PIEZO2: variants seen among roughly 807,000 people sequenced by gnomAD.
The protein encoded by PIEZO2 is piezo-type mechanosensitive ion channel component 2.
In PIEZO2, 172 loss-of-function variants were observed where a neutral mutation model predicts 337.3. The observed-to-expected ratio is 0.51, with a 90% CI of 0.45 to 0.58. PIEZO2 has a LOEUF of 0.58. PIEZO2 is among the 20% of genes least tolerant of loss of function. The pLI is 0.00. For missense variants in PIEZO2, 3,028 were observed against 3,391.3 expected (o/e 0.89, Z 2.66); for synonymous variants, 1,251 against 1,228.5 (o/e 1.02, Z -0.38).
chr18:11,102,436 T>C lies in PIEZO2; in HGVS notation c.65-36214A>G, dbSNP rs976179189. Among the ~76,000 whole-genome samples the C allele has an allele frequency of 6.6e-6, 1 of 152,162 alleles. No individual in the cohort carries two copies. The highest frequency in any genetic ancestry group is 1.5e-5 in the Non-Finnish European group (1 of 68,026). On this transcript the variant is annotated intron_variant, in intron 1 of 55. Coordinates refer to ENST00000674853, the MANE Select transcript of PIEZO2 (RefSeq NM_001378183.1). The surrounding 1 kb of genome is among the most constrained non-coding windows in gnomAD (Gnocchi z 5.7). The stretch of plus-strand genomic sequence containing the variant: ...AACCCTGATCTGATTGAAGATCGAA[T>C]CTCACCCTGTCCCCCACCAGGCTGG...
chr18:10,715,843 T>C, intron 37 of PIEZO2, 27 bp from the exon 38 acceptor site: 2 of 1,474,262 alleles, frequency 1.4e-6, no homozygotes, highest in Non-Finnish European at 1.8e-6. Context: ...CAACAAGATG[T>C]TAAAGGAACA....
At chr18:10,939,317 G>A (rs945733680) in intron 3 of PIEZO2, among the ~76,000 whole-genome samples, 1 of 152,154 alleles carries the variant, frequency 6.6e-6, no homozygotes, top group Non-Finnish European at 1.5e-5. Flanking sequence ...TTTGTGAGAG[G>A]CCTGTAGTTT....
intron 27 of PIEZO2, 137 bp downstream of exon 27, chr18:10,757,832 T>C: frequency 1.0e-6 from 1 of 977,168 alleles, no homozygotes. Context: ...TGAACCACAT[T>C]GTCCAGCATT....
At chr18:11,074,986 C>T (rs1363523310) in intron 1 of PIEZO2, among the ~76,000 whole-genome samples, 1 of 152,194 alleles carries the variant, frequency 6.6e-6, no homozygotes, top group Non-Finnish European at 1.5e-5. Context: ...CAAGGTCTCA[C>T]TCTTAATGGC....
rs1275357243 is a variant in PIEZO2, at chr18:10,863,720, AT to A, written c.493-6510del. Among the ~76,000 whole-genome samples, 1 of 152,204 alleles carries A rather than the reference AT, an allele frequency of 6.6e-6. No individual in the cohort carries two copies. The highest frequency in any genetic ancestry group is 1.5e-5 in the Non-Finnish European group (1 of 68,036). On this transcript the variant is annotated intron_variant, in intron 5 of 55. Transcript: ENST00000674853. The surrounding 1 kb of genome is among the most constrained non-coding windows in gnomAD (Gnocchi z 4.3). ...GTTAATTCACCTACTTAGAATGGCA[AT>A]AGTCTTTAAGAATCATCTGAACATC...
intron 5 of PIEZO2, among the ~76,000 whole-genome samples, chr18:10,866,130 G>C (rs1158447377): frequency 6.6e-6 from 1 of 152,106 alleles, no homozygotes; most frequent in African/African-American, 2.4e-5. Flanking sequence ...TAAAAATGAA[G>C]ATTAATCTGT....
At position 10,891,280 on chromosome 18, in the gene PIEZO2, G is replaced by A. The variant is rs28421532; in HGVS notation, c.330-19865C>T. ...CAGAGGTTGCAGTGAGCGAGATTGC[G>A]CTACTGCACTCCAGCCTGGGAGACA... On this transcript the variant is annotated intron_variant, in intron 4 of 55. Coordinates refer to ENST00000674853, the MANE Select transcript of PIEZO2 (RefSeq NM_001378183.1). Among the ~76,000 whole-genome samples the A allele has an allele frequency of 2.8e-3, 424 of 152,176 alleles. 1 individual carries two copies. Among genetic ancestry groups the A allele is most frequent in the African/African-American group, 9.3e-3 (387 of 41,534 alleles).
intron 1 of PIEZO2, among the ~76,000 whole-genome samples, chr18:11,067,706 C>T (rs1305163449): frequency 1.3e-5 from 2 of 152,084 alleles, no homozygotes; most frequent in East Asian, 3.9e-4. Flanking sequence ...GGAACATCTA[C>T]ATATATAAAG....
At position 10,770,150 on chromosome 18, in the gene PIEZO2, C is replaced by G; in HGVS notation, c.2944G>C (p.Glu982Gln). The G allele has an allele frequency of 6.5e-7, 1 of 1,537,132 alleles. No homozygotes were observed. The highest frequency in any genetic ancestry group is 8.7e-7 in the Non-Finnish European group (1 of 1,146,884). ...TGATAGGACAAATGTTCACTTGCCT[C>G]TTTCACAGAAACCCAGATAATGTAA... is the stretch of plus-strand genomic sequence containing the variant. ...SSYIIWVSVK[E>Q]VSLFNYVFLI... Residue 982 changes from glutamate to glutamine, a missense_variant and splice_region_variant, in exon 21 of 56, where the codon GAG (glutamate) becomes CAG (glutamine). Glu to Gln is a conservative substitution (Grantham distance 29). Coordinates refer to ENST00000674853, the MANE Select transcript of PIEZO2 (RefSeq NM_001378183.1).
At chr18:10,762,886 G>C (rs780309536) in intron 22 of PIEZO2, 36 bp downstream of exon 22, 2 of 1,527,202 alleles carry the variant, frequency 1.3e-6, no homozygotes, top group Non-Finnish European at 1.8e-6. Context: ...TTTGCTAAAG[G>C]GCAGTCAGGA....
intron 2 of PIEZO2, among the ~76,000 whole-genome samples, chr18:11,008,979 G>C (rs1022827586): frequency 2.0e-5 from 3 of 152,152 alleles, no homozygotes; most frequent in Non-Finnish European, 4.4e-5. Flanking sequence ...ACAGACGTAG[G>C]AATCTTTTTA....
intron 49 of PIEZO2, among the ~76,000 whole-genome samples, chr18:10,688,757 A>G (rs972067526): frequency 6.6e-6 from 1 of 152,076 alleles, no homozygotes; most frequent in East Asian, 1.9e-4. Context: ...AGTTCTTCCT[A>G]CTTTTCCTTG....
intron 20 of PIEZO2, 28 bp from the exon 21 acceptor site, chr18:10,770,336 C>T (rs1273819779): frequency 1.3e-6 from 2 of 1,501,684 alleles, no homozygotes; most frequent in African/African-American, 1.4e-5. Flanking sequence ...CAGACAAGAG[C>T]ATAACATTTT....
rs945615248 is a variant in PIEZO2 at position 11,136,769 on chromosome 18, G to A, written c.64+11756C>T. On this transcript the variant is annotated intron_variant, in intron 1 of 55. Transcript: ENST00000674853. ...GAGTCTCTGACCTACACACACCTGA[G>A]GTGTTTGTGCAGCCTACCCTTTCCT... Among the ~76,000 whole-genome samples the A allele has an allele frequency of 3.9e-5, 6 of 152,108 alleles. No individual in the cohort carries two copies. The East Asian group carries it at 1.2e-3, about 29-fold the overall frequency.
At chr18:11,005,435 G>C (rs550007790) in intron 2 of PIEZO2, among the ~76,000 whole-genome samples, 2 of 152,288 alleles carry the variant, frequency 1.3e-5, no homozygotes, top group African/African-American at 4.8e-5. Flanking sequence ...TGAGTATCAG[G>C]CATGAACAGT....
In PIEZO2 at chr18:10,787,144, CA is replaced by C; in HGVS notation, c.2209del (p.Trp737GlyfsTer30). 3 of 1,531,362 alleles carry C rather than the reference CA, an allele frequency of 2.0e-6. No homozygotes were observed. Among genetic ancestry groups the C allele is most frequent in the South Asian group, 1.2e-5 (1 of 82,812 alleles). The allele number at this position is 1,531,362 out of a possible 1,614,324, so 94.9% of individuals were successfully genotyped here. On this transcript the variant is annotated frameshift_variant, in exon 16 of 56. Transcript: ENST00000674853. LOFTEE classifies it high-confidence loss of function. ...CATAGTGTAAATAACCACTGACATC[CA>C]AAAATATTTTAGAATTTTCCTCCAC... Reference protein sequence around the residue: ...EWWRKILKYFWMSVVIYTMLV... With the variant: ...EWWRKILKYFXMSVVIYTMLV...
intron 3 of PIEZO2, among the ~76,000 whole-genome samples, chr18:10,960,895 A>G (rs2033743919): frequency 1.3e-5 from 2 of 152,124 alleles, no homozygotes; most frequent in African/African-American, 4.8e-5. Flanking sequence ...AAACTGTGGT[A>G]TGGCCCGGGG....
Position 11,110,595 on chromosome 18 carries a change from C to T in PIEZO2, c.64+37930G>A, listed in dbSNP as rs62083648. On this transcript the variant is annotated intron_variant, in intron 1 of 55. Coordinates refer to ENST00000674853, the MANE Select transcript of PIEZO2 (RefSeq NM_001378183.1). This position sits in a 1 kb window ranked among gnomAD's most constrained non-coding sequence, Gnocchi z 4.2. ...ACATAACGGTTCCTTCAGAGGTGGACGGTGGTGGGCAGGGGAGCAGGTGGA... is the reference window on the plus strand; with the variant it reads ...ACATAACGGTTCCTTCAGAGGTGGATGGTGGTGGGCAGGGGAGCAGGTGGA... Among the ~76,000 whole-genome samples the T allele has an allele frequency of 1.3e-5, 2 of 152,110 alleles. No homozygotes were observed. The highest frequency in any genetic ancestry group is 2.4e-5 in the African/African-American group (1 of 41,422).
chr18:11,039,909 A>G (rs924726001), intron 2 of PIEZO2, among the ~76,000 whole-genome samples: 1 of 152,144 alleles, frequency 6.6e-6, no homozygotes, highest in African/African-American at 2.4e-5. Flanking sequence ...ATACAACTGC[A>G]TTAACCTCTC....
Sources: gnomAD v4.1 joint callset for allele counts (sites outside exome capture counted in the v4.1 genomes callset) on GRCh38, gnomAD v4.1.1 for gene constraint, Gnocchi (gnomAD v3.1) non-coding constraint, MANE v1.5 for transcripts, NCBI Gene and HGNC (gene_info 2026-07-23, HGNC 2026-07-21) for gene names.